The following LIMS1 variants were observed in gnomAD, a reference collection of about 807,000 sequenced individuals.
LIMS1 encodes LIM and senescent cell antigen-like-containing domain protein 1.
A neutral mutation model predicts 44.1 loss-of-function variants in LIMS1; 18 were observed. The ratio of observed to expected loss-of-function variants is 0.41; its 90% CI spans 0.28 to 0.61. The LOEUF is 0.61. Among genes scored for constraint, LIMS1 ranks in the 20% least tolerant of loss-of-function variants. The probability of loss-of-function intolerance (pLI) is 0.32; values close to 1 mark genes in which losing one functional copy is unlikely to be tolerated. For missense variants in LIMS1, 201 were observed against 422.0 expected, an observed-to-expected ratio of 0.48 and a Z score of 4.59; for synonymous variants, 93 against 149.1, an observed-to-expected ratio of 0.62 and a Z score of 2.74.
At position 108,551,665 on chromosome 2, in the gene LIMS1, CACATATAT is replaced by C. The variant is rs1281316846; in HGVS notation, c.32+17083_32+17090del. 5.1e-5 allele frequency among the ~76,000 whole-genome samples: 7 copies of C among 137,292 alleles called. No homozygotes were observed. The South Asian group carries it at 6.5e-4, about 13-fold the overall frequency. 90.1% of individuals were successfully genotyped at this position (137,292 alleles called of 152,430 possible). Reference sequence around the variant, plus strand: ...ATATATGTGTATATATATGTATATACACATATATACATATATACACTGTATACATACAC... The same window carrying C: ...ATATATGTGTATATATATGTATATACACATATATACACTGTATACATACAC... On this transcript the variant is annotated intron_variant, in intron 1 of 9. Transcript: ENST00000544547.
intron 1 of LIMS1, among the ~76,000 whole-genome samples, chr2:108,558,209 T>C (rs1157958471): frequency 6.9e-6 from 1 of 145,682 alleles, no homozygotes; most frequent in African/African-American, 2.5e-5. Flanking sequence ...CCTGAAGATT[T>C]GTGCATTTTT....
intron 1 of LIMS1, among the ~76,000 whole-genome samples, chr2:108,578,735 A>T (rs1424517081): frequency 6.6e-6 from 1 of 151,930 alleles, no homozygotes; most frequent in African/African-American, 2.4e-5. Flanking sequence ...CTGGGACTAC[A>T]GGTGCCCACC....
At chr2:108,676,094 CT>C in intron 6 of LIMS1, 66 bp downstream of exon 6, 3 of 1,498,268 alleles carry the variant, frequency 2.0e-6, no homozygotes, top group Non-Finnish European at 2.7e-6. Flanking sequence ...GTAACCAATA[CT>C]TTCAGATCTC....
intron 1 of LIMS1, among the ~76,000 whole-genome samples, chr2:108,562,631 G>C (rs1192627921): frequency 1.3e-5 from 2 of 152,220 alleles, no homozygotes; most frequent in African/African-American, 4.8e-5. Context: ...AAGTTGGAAA[G>C]TTAGTAGAAG....
intron 1 of LIMS1, among the ~76,000 whole-genome samples, chr2:108,615,840 A>G (rs1344084401): frequency 6.6e-6 from 1 of 152,202 alleles, no homozygotes; most frequent in Non-Finnish European, 1.5e-5. Context: ...CTTCTGATTC[A>G]AGTGGAACAA....
rs77270311 is a variant in LIMS1, at chr2:108,630,928, A to G, written c.33-28677A>G. Among the ~76,000 whole-genome samples the G allele has an allele frequency of 8.6e-3, 1,309 of 152,354 alleles. 17 individuals are homozygous for G. Among genetic ancestry groups the G allele is most frequent in the African/African-American group, 0.03 (1,242 of 41,582 alleles). ...AGTATTTCTTAATGTTAGAAAGTGAAAATGGTAATGTAGGGGTAAAAGATT... is the reference window on the plus strand; with the variant it reads ...AGTATTTCTTAATGTTAGAAAGTGAGAATGGTAATGTAGGGGTAAAAGATT... On this transcript the variant is annotated intron_variant, in intron 1 of 9. Coordinates refer to ENST00000544547, the Ensembl canonical transcript of LIMS1.
chr2:108,534,504 G>T, exon 1 of LIMS1: 2 of 1,176,024 alleles, frequency 1.7e-6, no homozygotes, highest in Non-Finnish European at 2.1e-6. Flanking sequence ...ACTAGGACGC[G>T]GCTGGAGCGG....
intron 2 of LIMS1, among the ~76,000 whole-genome samples, chr2:108,668,101 G>A (rs964372546): frequency 6.6e-6 from 1 of 151,926 alleles, no homozygotes; most frequent in Non-Finnish European, 1.5e-5. Context: ...CACACATGGG[G>A]CACAGTGTGA....
intron 8 of LIMS1, among the ~76,000 whole-genome samples, chr2:108,679,324 C>T (rs900943437): frequency 2.0e-5 from 3 of 151,764 alleles, no homozygotes; most frequent in Non-Finnish European, 4.4e-5. Context: ...ACTAAAAATA[C>T]AAAAACTTAG....
chr2:108,542,880 C>T (rs1405132024), intron 1 of LIMS1, among the ~76,000 whole-genome samples: 1 of 152,228 alleles, frequency 6.6e-6, no homozygotes, highest in African/African-American at 2.4e-5. Flanking sequence ...CAGTTCTCTA[C>T]CCAAATTTAA....
rs569365362 is a variant in LIMS1 at position 108,552,338 on chromosome 2, G to A, written c.32+17744G>A. Among the ~76,000 whole-genome samples the A allele has an allele frequency of 5.1e-3, 660 of 130,050 alleles. 5 individuals are homozygous for A. The highest frequency in any genetic ancestry group is 0.017 in the African/African-American group (609 of 35,860). 85.3% of individuals were successfully genotyped at this position (130,050 alleles called of 152,430 possible). On this transcript the variant is annotated intron_variant, in intron 1 of 9. Coordinates refer to ENST00000544547, the Ensembl canonical transcript of LIMS1. ...ATGAAACTATATATATACTATACGT[G>A]TAGTATATATATGAAACTATATACT...
chr2:108,660,098 C>T (rs1691244235), intron 2 of LIMS1: 1 of 444,550 alleles, frequency 2.2e-6, no homozygotes, highest in Admixed American at 3.3e-5. Flanking sequence ...CAGCCACACT[C>T]AGGCCCCCCA....
intron 1 of LIMS1, among the ~76,000 whole-genome samples, chr2:108,603,318 AT>A (rs1687109224): frequency 6.6e-6 from 1 of 151,722 alleles, no homozygotes; most frequent in Non-Finnish European, 1.5e-5. Context: ...GTTACTTGTT[AT>A]TGGTCTGTTC....
At chr2:108,642,346 TTTTTTTTTTTTGTTTTTTG>T (rs762534730) in intron 1 of LIMS1, among the ~76,000 whole-genome samples, 35,399 of 62,632 alleles carry the variant, frequency 0.57, 7,652 homozygotes, top group South Asian at 0.68. Flanking sequence ...TTTTTTGTTT[TTTTTTTTTTTTGTTTTTTG>T]TTTTTTTTTT....
chr2:108,644,502 TCAAAGAC>T lies in LIMS1; in HGVS notation c.33-15097_33-15091del, dbSNP rs1466417483. 2.0e-5 allele frequency among the ~76,000 whole-genome samples: 3 copies of T among 151,992 alleles called. No individual in the cohort carries two copies. The East Asian group carries it at 5.8e-4, about 30-fold the overall frequency. On this transcript the variant is annotated intron_variant, in intron 1 of 9. Transcript: ENST00000544547. ...AGACCCCATCCGAAGGTCACCAACTTCAAAGACCAAAGGTACATAAATCCACGAAGAT... is the reference window on the plus strand; with the variant it reads ...AGACCCCATCCGAAGGTCACCAACTTCAAAGGTACATAAATCCACGAAGAT...
intron 1 of LIMS1, among the ~76,000 whole-genome samples, chr2:108,585,429 G>C (rs934241874): frequency 6.8e-6 from 1 of 146,522 alleles, no homozygotes; most frequent in Non-Finnish European, 1.5e-5. Context: ...AGGCATGGTG[G>C]GGAGGGGAGT....
chr2:108,615,482 A>G (rs1687879943), intron 1 of LIMS1, among the ~76,000 whole-genome samples: 1 of 152,030 alleles, frequency 6.6e-6, no homozygotes, highest in Non-Finnish European at 1.5e-5. Flanking sequence ...TGGTGGGGCT[A>G]GGGTGATCAG....
chr2:108,674,995 G>A (rs1692432639), intron 5 of LIMS1, among the ~76,000 whole-genome samples: 1 of 151,824 alleles, frequency 6.6e-6, no homozygotes, highest in Admixed American at 6.6e-5. Context: ...TTTAATTTGA[G>A]TATTTGGAGA....
intron 1 of LIMS1, among the ~76,000 whole-genome samples, chr2:108,635,946 G>A (rs1331491730): frequency 6.6e-6 from 1 of 152,186 alleles, no homozygotes; most frequent in Non-Finnish European, 1.5e-5. Flanking sequence ...CACATAGGCT[G>A]CCTCTGTCGG....
Sources: gnomAD v4.1 joint callset for allele counts (sites outside exome capture counted in the v4.1 genomes callset) on GRCh38, gnomAD v4.1.1 for gene constraint, MANE v1.5 for transcripts, NCBI Gene and HGNC (gene_info 2026-07-23, HGNC 2026-07-21) for gene names.